OPCML: variants seen among roughly 807,000 people sequenced by gnomAD.
The protein encoded by OPCML is opioid binding protein/cell adhesion molecule like, also known as opioid-binding protein/cell adhesion molecule.
Under a neutral mutation model 37.8 loss-of-function variants are expected in OPCML, and 13 were observed. That is an observed-to-expected ratio of 0.34 (90% CI 0.22 to 0.55). The LOEUF (loss-of-function observed/expected upper bound fraction) is 0.55, where lower values mean the gene tolerates loss of function less well. Among genes scored for constraint, OPCML ranks in the 20% least tolerant of loss-of-function variants. OPCML has a pLI of 0.91. For missense variants in OPCML, 341 were observed against 435.6 expected (o/e 0.78, Z 1.93); for synonymous variants, 176 against 168.8 (o/e 1.04, Z -0.33).
At chr11:132,610,304 G>A (rs975540001) in intron 3 of OPCML, among the ~76,000 whole-genome samples, 1 of 152,264 alleles carries the variant, frequency 6.6e-6, no homozygotes, top group South Asian at 2.1e-4. Context: ...AAAGCCACTG[G>A]AGAAGACACA....
chr11:132,685,523 C>A (rs975542388), intron 2 of OPCML, among the ~76,000 whole-genome samples: 3 of 152,148 alleles, frequency 2.0e-5, no homozygotes, highest in African/African-American at 7.2e-5. Context: ...CTGCAAAAAA[C>A]CACAAAGGAG....
chr11:132,623,354 C>T (rs1939540451), intron 3 of OPCML, among the ~76,000 whole-genome samples: 2 of 151,632 alleles, frequency 1.3e-5, no homozygotes, highest in Non-Finnish European at 2.9e-5. Flanking sequence ...TTTTGAAGAA[C>T]TGGGACGTTA....
At chr11:133,284,204 A>C (rs1300393063) in intron 1 of OPCML, among the ~76,000 whole-genome samples, 6 of 152,146 alleles carry the variant, frequency 3.9e-5, no homozygotes, top group Non-Finnish European at 8.8e-5. Flanking sequence ...GATAAACCCA[A>C]ACCCAACCTG....
intron 1 of OPCML, among the ~76,000 whole-genome samples, chr11:132,986,651 G>A (rs1468572057): frequency 6.6e-6 from 1 of 152,120 alleles, no homozygotes; most frequent in Non-Finnish European, 1.5e-5. Context: ...AATATAGAAA[G>A]TTAAGCTTGT....
chr11:132,788,948 T>C (rs1387200143), intron 2 of OPCML, among the ~76,000 whole-genome samples: 1 of 152,222 alleles, frequency 6.6e-6, no homozygotes, highest in Non-Finnish European at 1.5e-5. Flanking sequence ...TTCAGCACTT[T>C]GTACAACTTA....
chr11:133,384,247 C>CAAAAAA (rs1186998875), intron 1 of OPCML, among the ~76,000 whole-genome samples: 21 of 71,084 alleles, frequency 3.0e-4, no homozygotes, highest in African/African-American at 5.1e-4. Flanking sequence ...GGCCACTGTG[C>CAAAAAA]AAAAAAAAAA....
intron 2 of OPCML, among the ~76,000 whole-genome samples, chr11:132,674,141 G>A (rs1942598162): frequency 6.6e-6 from 1 of 152,194 alleles, no homozygotes. Context: ...GGCTAATTAA[G>A]AACAAAGCAA....
At chr11:133,265,025 T>G (rs765004025) in intron 1 of OPCML, among the ~76,000 whole-genome samples, 102 of 152,004 alleles carry the variant, frequency 6.7e-4, no homozygotes, top group Non-Finnish European at 1.2e-3. Flanking sequence ...CTCGGGTCCT[T>G]GATGACTCGC....
At chr11:132,981,174 G>A (rs2136788689) in intron 1 of OPCML, among the ~76,000 whole-genome samples, 1 of 152,350 alleles carries the variant, frequency 6.6e-6, no homozygotes. Flanking sequence ...TTTATCTTAT[G>A]CCTGCACAGT....
intron 1 of OPCML, among the ~76,000 whole-genome samples, chr11:133,405,945 AAAG>A (rs1320235366): frequency 6.6e-5 from 10 of 152,116 alleles, no homozygotes; most frequent in African/African-American, 2.4e-4. Flanking sequence ...ACTTATCAAA[AAAG>A]AAATTGTTTT....
At chr11:132,480,808 G>C (rs57415702) in intron 4 of OPCML, among the ~76,000 whole-genome samples, 5,523 of 151,900 alleles carry the variant, frequency 0.036, 316 homozygotes, top group African/African-American at 0.12. Flanking sequence ...ACTTTACAGA[G>C]AAGCAAATGC....
chr11:132,553,408 A>G (rs753390345), intron 3 of OPCML, among the ~76,000 whole-genome samples: 5 of 152,178 alleles, frequency 3.3e-5, no homozygotes, highest in Non-Finnish European at 7.3e-5. Flanking sequence ...AGATTAGAAA[A>G]AGAAAGGGAG....
chr11:132,638,163 C>CTATTTATATATATATATATA (rs1940629547), intron 3 of OPCML, among the ~76,000 whole-genome samples: 1 of 128,192 alleles, frequency 7.8e-6, no homozygotes, highest in Admixed American at 7.9e-5. Flanking sequence ...TATATACAGA[C>CTATTTATATATATATATATA]TATATATATA....
At chr11:133,048,318 C>T (rs1319907054) in intron 1 of OPCML, among the ~76,000 whole-genome samples, 2 of 152,118 alleles carry the variant, frequency 1.3e-5, no homozygotes, top group East Asian at 1.9e-4. Context: ...CAAATAGTAA[C>T]GTTGAGTTTC....
chr11:133,449,814 G>A (rs1306515837), intron 1 of OPCML, among the ~76,000 whole-genome samples: 1 of 151,464 alleles, frequency 6.6e-6, no homozygotes, highest in Non-Finnish European at 1.5e-5. Context: ...CTCACATTCT[G>A]AGGCTCCAGG....
At chr11:132,715,054 A>G (rs7119808) in intron 2 of OPCML, among the ~76,000 whole-genome samples, 27,433 of 152,102 alleles carry the variant, frequency 0.18, 8,252 homozygotes, top group African/African-American at 0.62. Flanking sequence ...TGGGCAAGGG[A>G]GGGCAGGCAG....
chr11:133,330,257 C>G (rs1943585276), intron 1 of OPCML, among the ~76,000 whole-genome samples: 1 of 152,272 alleles, frequency 6.6e-6, no homozygotes, highest in African/African-American at 2.4e-5. Flanking sequence ...ACTAGTTCAA[C>G]CAATGTGGAA....
intron 1 of OPCML, among the ~76,000 whole-genome samples, chr11:133,315,570 G>C (rs1469658639): frequency 1.3e-5 from 2 of 152,218 alleles, no homozygotes; most frequent in African/African-American, 2.4e-5. Flanking sequence ...AGGCCAAAGC[G>C]GGTGGATTAC....
At chr11:132,843,082 C>CT (rs908099363) in intron 2 of OPCML, among the ~76,000 whole-genome samples, 21 of 99,512 alleles carry the variant, frequency 2.1e-4, no homozygotes, top group South Asian at 7.2e-4. Context: ...AGTGTGGTTC[C>CT]TTTTTCTTTC....
Sources: gnomAD v4.1 joint callset for allele counts (sites outside exome capture counted in the v4.1 genomes callset) on GRCh38, gnomAD v4.1.1 for gene constraint, MANE v1.5 for transcripts, NCBI Gene and HGNC (gene_info 2026-07-23, HGNC 2026-07-21) for gene names.